The following SNTG1 variants were observed in gnomAD, a reference collection of about 807,000 sequenced individuals.
SNTG1 encodes the protein syntrophin gamma 1, also known as gamma-1-syntrophin.
In SNTG1, 39 loss-of-function variants were observed where a neutral mutation model predicts 74.7. The observed-to-expected ratio is 0.52, with a 90% CI of 0.40 to 0.68. The LOEUF (loss-of-function observed/expected upper bound fraction) is 0.68. SNTG1 is among the 30% of genes least tolerant of loss of function. SNTG1 has a pLI of 0.00. For missense variants in SNTG1, 685 were observed against 609.5 expected, an observed-to-expected ratio of 1.12 and a Z score of -1.30; for synonymous variants, 254 against 217.1, an observed-to-expected ratio of 1.17 and a Z score of -1.49.
At chr8:50,119,326 C>T (rs1019750828) in intron 1 of SNTG1, among the ~76,000 whole-genome samples, 2 of 139,468 alleles carry the variant, frequency 1.4e-5, no homozygotes, top group South Asian at 2.8e-4. Flanking sequence ...TTGACATGGC[C>T]GGGAAATGGC....
chr8:50,515,698 A>G (rs2094127336), intron 9 of SNTG1, among the ~76,000 whole-genome samples: 1 of 152,100 alleles, frequency 6.6e-6, no homozygotes, highest in Non-Finnish European at 1.5e-5. Context: ...AACTTCTAAC[A>G]GGGTAGAGTG....
chr8:50,570,582 A>G (rs200593183), intron 12 of SNTG1, among the ~76,000 whole-genome samples: 89 of 33,360 alleles, frequency 2.7e-3, no homozygotes, highest in African/African-American at 6.2e-3. Flanking sequence ...TATTATTATT[A>G]TTATTGTTGT....
intron 2 of SNTG1, among the ~76,000 whole-genome samples, chr8:50,270,921 C>T (rs1401098754): frequency 1.3e-5 from 2 of 152,094 alleles, no homozygotes; most frequent in Non-Finnish European, 2.9e-5. Context: ...GTTTGCGATG[C>T]CTTTGGGTAT....
intron 1 of SNTG1, among the ~76,000 whole-genome samples, chr8:50,014,676 A>T (rs367584883): frequency 1.2e-4 from 18 of 152,272 alleles, no homozygotes; most frequent in African/African-American, 1.7e-4. Context: ...AGGATAGAGG[A>T]TCTATAGGCA....
chr8:50,350,461 T>C (rs1317598818), intron 2 of SNTG1, among the ~76,000 whole-genome samples: 4 of 151,988 alleles, frequency 2.6e-5, no homozygotes, highest in African/African-American at 7.2e-5. Flanking sequence ...CTGTATCTAG[T>C]TCAAAGTTTG....
At chr8:50,143,159 T>C (rs1443285137) in intron 1 of SNTG1, among the ~76,000 whole-genome samples, 1 of 152,134 alleles carries the variant, frequency 6.6e-6, no homozygotes, top group African/African-American at 2.4e-5. Context: ...TTACATTATA[T>C]GGCCATGCTG....
At chr8:50,476,857 G>GACACAC (rs59121229) in intron 8 of SNTG1, among the ~76,000 whole-genome samples, 8,676 of 145,904 alleles carry the variant, frequency 0.059, 302 homozygotes, top group Middle Eastern at 0.11. Flanking sequence ...GACACACACA[G>GACACAC]ACACACACAC....
At chr8:50,137,232 T>C (rs1196414127) in intron 1 of SNTG1, among the ~76,000 whole-genome samples, 1 of 152,168 alleles carries the variant, frequency 6.6e-6, no homozygotes, top group Non-Finnish European at 1.5e-5. Flanking sequence ...GCTAGAAGGC[T>C]CCTGAATTAG....
At chr8:50,605,913 G>A (rs965580116) in intron 13 of SNTG1, among the ~76,000 whole-genome samples, 2 of 152,126 alleles carry the variant, frequency 1.3e-5, no homozygotes, top group African/African-American at 2.4e-5. Flanking sequence ...CTATTTATGT[G>A]ATATATTATG....
chr8:50,635,619 T>A (rs2095034196), intron 13 of SNTG1, among the ~76,000 whole-genome samples: 1 of 152,136 alleles, frequency 6.6e-6, no homozygotes, highest in Non-Finnish European at 1.5e-5. Flanking sequence ...GATGTTCACT[T>A]AAGGCCAGGC....
chr8:49,926,205 A>G lies in SNTG1; in HGVS notation c.-103+13974A>G, dbSNP rs530832486. On this transcript the variant is annotated intron_variant, in intron 1 of 18. Transcript: ENST00000642720. ...CCCACACAAGTATCGATTTTCTAAG[A>G]AGAGGTTCTAGGTAATGTCATATTT... 1.2e-4 allele frequency among the ~76,000 whole-genome samples: 19 copies of G among 152,244 alleles called. 2 individuals carry two copies. Among genetic ancestry groups the G allele is most frequent in the African/African-American group, 4.3e-4 (18 of 41,562 alleles).
intron 8 of SNTG1, among the ~76,000 whole-genome samples, chr8:50,452,029 A>G (rs1413124814): frequency 6.6e-6 from 1 of 152,236 alleles, no homozygotes; most frequent in Non-Finnish European, 1.5e-5. Flanking sequence ...AAAGCTATTT[A>G]GAGAAAACTA....
At chr8:50,380,965 G>A (rs1279202786) in intron 2 of SNTG1, 2 of 152,136 alleles carry the variant, frequency 1.3e-5, no homozygotes, top group Admixed American at 6.5e-5. Flanking sequence ...ACCATTGTTT[G>A]TTAGGTCAGT....
chr8:50,626,955 T>C lies in SNTG1; in HGVS notation c.850-29954T>C, dbSNP rs541284966. Among the ~76,000 whole-genome samples, 215 of 152,298 alleles carry C rather than the reference T, an allele frequency of 1.4e-3. 1 individual carries two copies. The highest frequency in any genetic ancestry group is 4.9e-3 in the African/African-American group (205 of 41,576). Reference sequence around the variant, plus strand: ...TGGAAAAAATATATATATATTAAGGTCTCATCTTATATGTCATTACAATCC... The same window carrying C: ...TGGAAAAAATATATATATATTAAGGCCTCATCTTATATGTCATTACAATCC... On this transcript the variant is annotated intron_variant, in intron 13 of 18. Coordinates refer to ENST00000642720, the MANE Select transcript of SNTG1 (RefSeq NM_018967.5).
intron 17 of SNTG1, among the ~76,000 whole-genome samples, chr8:50,735,755 T>G (rs2095526852): frequency 6.6e-6 from 1 of 151,812 alleles, no homozygotes; most frequent in Non-Finnish European, 1.5e-5. Flanking sequence ...ACATTCAAAT[T>G]CAGGAAATAC....
chr8:50,506,874 C>A (rs1012423249), intron 9 of SNTG1, among the ~76,000 whole-genome samples: 3 of 152,000 alleles, frequency 2.0e-5, no homozygotes, highest in African/African-American at 7.2e-5. Flanking sequence ...GAGTGGGCAT[C>A]CTTGCCTTAT....
At chr8:50,698,994 A>G (rs1240286337) in intron 15 of SNTG1, among the ~76,000 whole-genome samples, 1 of 152,084 alleles carries the variant, frequency 6.6e-6, no homozygotes, top group Non-Finnish European at 1.5e-5. Context: ...TTCGTGTGTT[A>G]CTGTTGAACT....
Position 50,558,261 on chromosome 8 carries a change from G to A in SNTG1, c.810+5082G>A, listed in dbSNP as rs551188608. Among the ~76,000 whole-genome samples the A allele has an allele frequency of 5.3e-5, 8 of 152,282 alleles. No homozygotes were observed. The East Asian group carries it at 1.2e-3, about 22-fold the overall frequency. On this transcript the variant is annotated intron_variant, in intron 12 of 18. Transcript: ENST00000642720. ...ATGGCAGCAGCTGCATGGCCAGGGGGGCCTTGGAGTCAGCTCAGGAACCAA... is the reference window on the plus strand; with the variant it reads ...ATGGCAGCAGCTGCATGGCCAGGGGAGCCTTGGAGTCAGCTCAGGAACCAA...
chr8:50,048,558 T>G (rs1819295386), intron 1 of SNTG1, among the ~76,000 whole-genome samples: 1 of 152,170 alleles, frequency 6.6e-6, no homozygotes, highest in Non-Finnish European at 1.5e-5. Context: ...TCTTTCATTT[T>G]CAGCACTATA....
Sources: gnomAD v4.1 joint callset for allele counts (sites outside exome capture counted in the v4.1 genomes callset) on GRCh38, gnomAD v4.1.1 for gene constraint, MANE v1.5 for transcripts, NCBI Gene and HGNC (gene_info 2026-07-23, HGNC 2026-07-21) for gene names.